The following NOL4 variants were observed in gnomAD, a reference collection of about 807,000 sequenced individuals.
The protein encoded by NOL4 is cancer/testis antigen 125.
NOL4 carries 17 observed loss-of-function variants against 75.9 expected under a neutral mutation model. The observed-to-expected ratio is 0.22, with a 90% CI of 0.15 to 0.34. The LOEUF is 0.34. Ranked by LOEUF, NOL4 falls within the 10% of genes least tolerant of loss-of-function variation. NOL4 has a pLI of 1.00. For missense variants in NOL4, 614 were observed against 793.5 expected (o/e 0.77, Z 2.72); for synonymous variants, 292 against 289.9 (o/e 1.01, Z -0.07).
intron 5 of NOL4, among the ~76,000 whole-genome samples, chr18:34,091,016 G>A (rs2078491138): frequency 6.6e-6 from 1 of 151,948 alleles, no homozygotes; most frequent in Non-Finnish European, 1.5e-5. Flanking sequence ...TTTAGGATGT[G>A]TCAGTCTCAT....
At chr18:34,204,493 T>C (rs1240713078) in intron 1 of NOL4, among the ~76,000 whole-genome samples, 4 of 152,136 alleles carry the variant, frequency 2.6e-5, no homozygotes, top group Admixed American at 6.6e-5. Context: ...AAGCATTCCA[T>C]TTATATGAAA....
intron 10 of NOL4, among the ~76,000 whole-genome samples, chr18:33,879,448 C>T (rs1482082164): frequency 1.3e-5 from 2 of 151,864 alleles, no homozygotes; most frequent in Non-Finnish European, 2.9e-5. Context: ...AAGGTGGGCA[C>T]ATCACTTGAG....
intron 5 of NOL4, among the ~76,000 whole-genome samples, chr18:34,021,546 T>C (rs1163254680): frequency 6.6e-6 from 1 of 152,158 alleles, no homozygotes; most frequent in Non-Finnish European, 1.5e-5. Flanking sequence ...ACAGTTTTAA[T>C]TTATTGTGGG....
At chr18:33,904,327 A>G (rs2065906751) in intron 9 of NOL4, among the ~76,000 whole-genome samples, 1 of 152,058 alleles carries the variant, frequency 6.6e-6, no homozygotes, top group South Asian at 2.1e-4. Context: ...GACCAAAAAG[A>G]GGGTATATAA....
intron 6 of NOL4, among the ~76,000 whole-genome samples, chr18:33,990,834 T>A (rs2072863460): frequency 2.0e-5 from 3 of 152,160 alleles, no homozygotes; most frequent in Middle Eastern, 3.4e-3. Flanking sequence ...TAATTCCACA[T>A]ACTCCTCAAT....
At chr18:33,991,401 T>A (rs1267057190) in intron 6 of NOL4, among the ~76,000 whole-genome samples, 3 of 152,126 alleles carry the variant, frequency 2.0e-5, no homozygotes, top group African/African-American at 7.2e-5. Context: ...AAAAATAAAC[T>A]AAATGTTTTT....
intron 1 of NOL4, among the ~76,000 whole-genome samples, chr18:34,134,971 T>A (rs536464791): frequency 7.2e-5 from 11 of 151,732 alleles, no homozygotes; most frequent in African/African-American, 2.7e-4. Flanking sequence ...ATAAGAAAAA[T>A]TTCAAATCAG....
At chr18:33,863,380 C>T (rs1465791497) in intron 10 of NOL4, among the ~76,000 whole-genome samples, 3 of 152,014 alleles carry the variant, frequency 2.0e-5, no homozygotes, top group Non-Finnish European at 4.4e-5. Flanking sequence ...ATGTAACTAA[C>T]CTGCACATTG....
At chr18:34,078,646 A>G (rs781728629) in intron 5 of NOL4, among the ~76,000 whole-genome samples, 1 of 152,250 alleles carries the variant, frequency 6.6e-6, no homozygotes, top group Non-Finnish European at 1.5e-5. Context: ...GCAAGCCAAT[A>G]TGAAAACAAT....
intron 6 of NOL4, among the ~76,000 whole-genome samples, chr18:34,009,206 A>G (rs756747155): frequency 6.6e-6 from 1 of 151,932 alleles, no homozygotes; most frequent in Non-Finnish European, 1.5e-5. Context: ...TTATGAGTGC[A>G]TGTTACTCAC....
chr18:34,099,361 T>TTAAAAAAAAAAAAAAAAA (rs1307217942), intron 4 of NOL4, among the ~76,000 whole-genome samples: 1 of 36,782 alleles, frequency 2.7e-5, no homozygotes, highest in Non-Finnish European at 5.5e-5. Context: ...AGACTTTGTC[T>TTAAAAAAAAAAAAAAAAA]CAAAAAAAAA....
At chr18:33,863,977 C>T (rs1388208584) in intron 10 of NOL4, among the ~76,000 whole-genome samples, 1 of 152,206 alleles carries the variant, frequency 6.6e-6, no homozygotes, top group Non-Finnish European at 1.5e-5. Context: ...GTGGAAGCCA[C>T]AAAGGCTTGG....
At chr18:34,118,305 T>C (rs971070661) in intron 2 of NOL4, among the ~76,000 whole-genome samples, 23 of 152,194 alleles carry the variant, frequency 1.5e-4, no homozygotes, top group African/African-American at 5.5e-4. Flanking sequence ...ATCCTGCAGA[T>C]CATGGATAAA....
intron 2 of NOL4, among the ~76,000 whole-genome samples, chr18:34,106,723 A>G (rs1019136164): frequency 1.6e-4 from 25 of 151,922 alleles, no homozygotes; most frequent in Admixed American, 1.1e-3. Flanking sequence ...CACACACAGC[A>G]TATATGAATT....
At chr18:33,962,458 G>A (rs1271160417) in intron 6 of NOL4, among the ~76,000 whole-genome samples, 2 of 152,214 alleles carry the variant, frequency 1.3e-5, no homozygotes, top group Non-Finnish European at 2.9e-5. Context: ...TAACCTTTAT[G>A]AAGGGAAAAT....
intron 1 of NOL4, among the ~76,000 whole-genome samples, chr18:34,156,004 A>C (rs1003767316): frequency 2.6e-5 from 4 of 152,154 alleles, no homozygotes; most frequent in Admixed American, 2.6e-4. Flanking sequence ...TTCCCCAAGA[A>C]GGGAGATTTG....
chr18:33,887,035 AT>A (rs1432038982), intron 9 of NOL4, among the ~76,000 whole-genome samples: 1 of 140,258 alleles, frequency 7.1e-6, no homozygotes, highest in East Asian at 2.0e-4. Context: ...ATCTAGATAT[AT>A]TATATCTAGA....
At chr18:34,212,289 T>C (rs1054778414) in intron 1 of NOL4, among the ~76,000 whole-genome samples, 20 of 152,212 alleles carry the variant, frequency 1.3e-4, no homozygotes, top group African/African-American at 4.8e-4. Context: ...AGCTTACATC[T>C]TTTACTAAAT....
At chr18:34,158,216 G>T (rs920159778) in intron 1 of NOL4, among the ~76,000 whole-genome samples, 1 of 152,040 alleles carries the variant, frequency 6.6e-6, no homozygotes, top group East Asian at 1.9e-4. Flanking sequence ...TGAGAGCAAG[G>T]GGTTGTGACC....
Sources: gnomAD v4.1 joint callset for allele counts (sites outside exome capture counted in the v4.1 genomes callset) on GRCh38, gnomAD v4.1.1 for gene constraint, MANE v1.5 for transcripts, NCBI Gene and HGNC (gene_info 2026-07-23, HGNC 2026-07-21) for gene names.